Variants in GPR63 observed in about 807,000 individuals in gnomAD.
GPR63 encodes probable G protein-coupled receptor 63.
GPR63 carries 12 observed loss-of-function variants against 23.1 expected under a neutral mutation model. That is an observed-to-expected ratio of 0.52 (90% CI 0.33 to 0.84). The LOEUF (loss-of-function observed/expected upper bound fraction) is 0.84, where lower values mean the gene tolerates loss of function less well. Among genes scored for constraint, GPR63 ranks in the 40% least tolerant of loss-of-function variants. The probability of loss-of-function intolerance (pLI) is 0.02; values close to 1 mark genes in which losing one functional copy is unlikely to be tolerated. For synonymous variants in GPR63, 172 were observed against 191.1 expected, an observed-to-expected ratio of 0.90 and a Z score of 0.82; for missense variants, 472 against 515.6, an observed-to-expected ratio of 0.92 and a Z score of 0.82.
chr6:96,835,978 G>A (rs1043576162), intron 1 of GPR63, among the ~76,000 whole-genome samples: 2 of 152,068 alleles, frequency 1.3e-5, no homozygotes, highest in South Asian at 4.2e-4. Context: ...TGTTTTTATT[G>A]TTCAAAATGA....
rs756647115 is a variant in GPR63, at chr6:96,798,476, A to T, written c.1256T>A (p.Val419Glu). 2 of 1,610,868 alleles carry T rather than the reference A, an allele frequency of 1.2e-6. No homozygotes were observed. Among genetic ancestry groups the T allele is most frequent in the Non-Finnish European group, 1.7e-6 (2 of 1,177,588 alleles). Residue 419 changes from valine (V) to glutamate (E), a missense_variant, in exon 2 of 2, where the codon GTG (valine) becomes GAG (glutamate). By Grantham distance (121) the Val-to-Glu change is moderately radical (BLOSUM62 -2). Coordinates refer to ENST00000229955, the MANE Select transcript of GPR63 (RefSeq NM_030784.4). Reference sequence around the variant, plus strand: ...AATGTCAGCCAGTTCCAATATTCACACCACCGTCCGATGTTCCCCACACAC... The same window carrying T: ...AATGTCAGCCAGTTCCAATATTCACTCCACCGTCCGATGTTCCCCACACAC... The part of the protein sequence containing the change: ...VYVCGEHRTV[V>E]
intron 1 of GPR63, among the ~76,000 whole-genome samples, chr6:96,807,732 T>C (rs1436724388): frequency 6.6e-6 from 1 of 152,236 alleles, no homozygotes; most frequent in Non-Finnish European, 1.5e-5. Context: ...ATCAAGATAT[T>C]CAGTATTCAA....
intron 1 of GPR63, among the ~76,000 whole-genome samples, chr6:96,824,830 A>G (rs989002599): frequency 1.3e-5 from 2 of 152,100 alleles, no homozygotes; most frequent in Non-Finnish European, 2.9e-5. Flanking sequence ...ACCTGCCACT[A>G]GTCTTCTAGT....
chr6:96,806,359 T>C (rs953214443), intron 1 of GPR63, among the ~76,000 whole-genome samples: 1 of 152,226 alleles, frequency 6.6e-6, no homozygotes, highest in African/African-American at 2.4e-5. Context: ...TTTTCTGGAC[T>C]CTGGAGGCAA....
chr6:96,804,271 C>CT (rs2127945766), intron 1 of GPR63, among the ~76,000 whole-genome samples: 1 of 152,270 alleles, frequency 6.6e-6, no homozygotes, highest in African/African-American at 2.4e-5. Flanking sequence ...GGATCTCACT[C>CT]TATCACCCAG....
intron 1 of GPR63, among the ~76,000 whole-genome samples, chr6:96,831,405 C>G (rs1247307378): frequency 1.3e-5 from 2 of 150,154 alleles, no homozygotes. Context: ...CAAACCCTAT[C>G]TGACTTGACT....
Position 96,795,801 on chromosome 6 carries a change from A to C in GPR63, c.*2671T>G, listed in dbSNP as rs939956420. The C allele has an allele frequency of 1.3e-5, 2 of 152,230 alleles. No individual in the cohort carries two copies. Among genetic ancestry groups the C allele is most frequent in the African/African-American group, 4.8e-5 (2 of 41,466 alleles). 9.4% of individuals were successfully genotyped at this position (152,230 alleles called of 1,614,324 possible). ...GCTGACTTTCCTCAGAGAAAAGTCT[A>C]ATAAAAAATGTCCTTATCAATATCT... On this transcript the variant is annotated 3_prime_UTR_variant, in exon 2 of 2. Coordinates refer to ENST00000229955, the MANE Select transcript of GPR63 (RefSeq NM_030784.4).
chr6:96,824,268 GA>G (rs1040219188), intron 1 of GPR63, among the ~76,000 whole-genome samples: 4 of 151,850 alleles, frequency 2.6e-5, no homozygotes, highest in Non-Finnish European at 4.4e-5. Flanking sequence ...ATGTGGTCCT[GA>G]AAAAAAGTCT....
intron 1 of GPR63, among the ~76,000 whole-genome samples, chr6:96,816,247 T>C (rs1251728676): frequency 6.6e-6 from 1 of 152,132 alleles, no homozygotes; most frequent in Non-Finnish European, 1.5e-5. Context: ...AATTCAAACA[T>C]AATGGAATGT....
chr6:96,833,945 T>G (rs561180013), intron 1 of GPR63, among the ~76,000 whole-genome samples: 1 of 152,264 alleles, frequency 6.6e-6, no homozygotes, highest in African/African-American at 2.4e-5. Context: ...TACCTGCAAA[T>G]ATACCATCTA....
intron 1 of GPR63, among the ~76,000 whole-genome samples, chr6:96,801,226 T>C (rs78010018): frequency 1.0e-4 from 15 of 150,212 alleles, no homozygotes; most frequent in East Asian, 1.9e-4. Flanking sequence ...TTTTTTTTTT[T>C]CCAGACAGAG....
intron 1 of GPR63, among the ~76,000 whole-genome samples, chr6:96,807,685 G>A (rs529903191): frequency 1.3e-5 from 2 of 152,068 alleles, no homozygotes; most frequent in African/African-American, 4.8e-5. Flanking sequence ...TTAAAATTTT[G>A]TTTTTTAAGT....
At chr6:96,828,162 G>C (rs915108592) in intron 1 of GPR63, among the ~76,000 whole-genome samples, 1 of 152,014 alleles carries the variant, frequency 6.6e-6, no homozygotes, top group Non-Finnish European at 1.5e-5. Context: ...AGTTCTGGGG[G>C]CTAGAAGTCC....
intron 1 of GPR63, among the ~76,000 whole-genome samples, chr6:96,836,779 G>A (rs1372671257): frequency 1.3e-5 from 2 of 152,098 alleles, no homozygotes; most frequent in Non-Finnish European, 1.5e-5. Context: ...CTTAACTGTT[G>A]GAGCGCGAAA....
intron 1 of GPR63, among the ~76,000 whole-genome samples, chr6:96,819,650 T>C (rs1411079326): frequency 6.6e-6 from 1 of 151,194 alleles, no homozygotes; most frequent in Non-Finnish European, 1.5e-5. Flanking sequence ...AACCTGCATG[T>C]TCTGCACATG....
At chr6:96,799,992 G>A (rs392242) in intron 1 of GPR63, 111 bp from the exon 2 acceptor site, 49,671 of 470,432 alleles carry the variant, frequency 0.11, 3,019 homozygotes, top group Middle Eastern at 0.13. Flanking sequence ...CTTTTTGACC[G>A]TTTAAAAATA....
At chr6:96,809,405 T>C (rs570622150) in intron 1 of GPR63, among the ~76,000 whole-genome samples, 23 of 152,262 alleles carry the variant, frequency 1.5e-4, no homozygotes, top group Admixed American at 9.8e-4. Context: ...AGAAACTCAT[T>C]ATACAAAATT....
intron 1 of GPR63, among the ~76,000 whole-genome samples, chr6:96,807,239 A>G (rs146098854): frequency 6.6e-6 from 1 of 152,348 alleles, no homozygotes; most frequent in African/African-American, 2.4e-5. Flanking sequence ...CCTTCCCTAA[A>G]GGATTCATGA....
intron 1 of GPR63, among the ~76,000 whole-genome samples, chr6:96,826,924 C>T (rs1486228377): frequency 6.6e-6 from 1 of 151,312 alleles, no homozygotes; most frequent in African/African-American, 2.4e-5. Context: ...TAAAATGTGC[C>T]GAAGTCAGTA....
Sources: allele counts gnomAD v4.1 joint callset (sites outside exome capture counted in the v4.1 genomes callset), GRCh38; gene constraint gnomAD v4.1.1; transcripts MANE v1.5; gene names NCBI Gene and HGNC (gene_info 2026-07-23, HGNC 2026-07-21).